Variants in MAPT observed in about 807,000 individuals in gnomAD.
The protein encoded by MAPT is microtubule associated protein tau.
A neutral mutation model predicts 67.9 loss-of-function variants in MAPT; 34 were observed. The observed-to-expected ratio is 0.50, with a 90% CI of 0.38 to 0.67. The LOEUF is 0.67. Among genes scored for constraint, MAPT ranks in the 30% least tolerant of loss-of-function variants. The pLI is 0.00. For missense variants in MAPT, 881 were observed against 1,115.2 expected (o/e 0.79, Z 2.99); for synonymous variants, 456 against 464.5 (o/e 0.98, Z 0.23).
Position 46,024,208 on chromosome 17 carries a change from GA to G in MAPT, c.*38del. The stretch of plus-strand genomic sequence containing the variant: ...GGGCGGTCAATAATTGTGGAGAGGA[GA>G]GAATGAGAGAGTGTGGAAAAAAAAA... On this transcript the variant is annotated 3_prime_UTR_variant, in exon 13 of 13. Coordinates refer to ENST00000262410, the MANE Select transcript of MAPT (RefSeq NM_001377265.1). 6.4e-7 allele frequency: 1 copy of G among 1,556,958 alleles called. No individual in the cohort carries two copies. The highest frequency in any genetic ancestry group is 8.9e-7 in the Non-Finnish European group (1 of 1,128,940).
chr17:45,920,627 G>T (rs1234695462), intron 1 of MAPT, among the ~76,000 whole-genome samples: 3 of 152,222 alleles, frequency 2.0e-5, no homozygotes, highest in Non-Finnish European at 4.4e-5. Context: ...GCCTTCTGCG[G>T]ATGCCAGACT....
At chr17:45,984,711 G>C (rs2073367453) in intron 5 of MAPT, among the ~76,000 whole-genome samples, 1 of 152,210 alleles carries the variant, frequency 6.6e-6, no homozygotes, top group Non-Finnish European at 1.5e-5. Flanking sequence ...GGCATTGGAG[G>C]GGGTTGAGCA....
Position 45,946,580 on chromosome 17 carries a change from C to T in MAPT, c.-17-15741C>T, listed in dbSNP as rs138420606. Among the ~76,000 whole-genome samples, 439 of 115,608 alleles carry T rather than the reference C, an allele frequency of 3.8e-3. 1 individual carries two copies. Among genetic ancestry groups the T allele is most frequent in the African/African-American group, 0.013 (414 of 32,010 alleles). 75.8% of individuals were successfully genotyped at this position (115,608 alleles called of 152,430 possible). A position where few individuals can be genotyped will look rare whatever the true frequency, so the allele number is the denominator to read the frequency against. On this transcript the variant is annotated intron_variant, in intron 1 of 12. Coordinates refer to ENST00000262410, the MANE Select transcript of MAPT (RefSeq NM_001377265.1). ...CACCACCACACTCCAGCCTGGGCGA[C>T]CGAGGGGGACTCTGTCTTAAAAAAA...
At chr17:45,997,006 G>A (rs553697048) in intron 9 of MAPT, among the ~76,000 whole-genome samples, 3 of 152,344 alleles carry the variant, frequency 2.0e-5, no homozygotes, top group African/African-American at 7.2e-5. Flanking sequence ...GGCTCTCATA[G>A]TCAGGGCACC....
At chr17:45,959,544 A>T (rs906693663) in intron 1 of MAPT, among the ~76,000 whole-genome samples, 2 of 152,144 alleles carry the variant, frequency 1.3e-5, no homozygotes, top group African/African-American at 4.8e-5. Flanking sequence ...ATGGTGGCTC[A>T]TGCCTGTAAT....
At chr17:45,938,810 ATTT>A (rs368157488) in intron 1 of MAPT, among the ~76,000 whole-genome samples, 5 of 118,078 alleles carry the variant, frequency 4.2e-5, no homozygotes, top group Non-Finnish European at 6.8e-5. Context: ...TGCCCAGCTA[ATTT>A]TTTTTTTTTT....
intron 1 of MAPT, among the ~76,000 whole-genome samples, chr17:45,907,493 T>G (rs1176274015): frequency 2.0e-5 from 3 of 152,198 alleles, no homozygotes; most frequent in Admixed American, 6.5e-5. Flanking sequence ...GTGACTTTCC[T>G]TCTCCAGTCA....
chr17:45,898,478 C>T (rs1313442182), intron 1 of MAPT: 2 of 152,194 alleles, frequency 1.3e-5, no homozygotes, highest in East Asian at 1.9e-4. Context: ...CCTTGGAGGT[C>T]GGTGCCAGCC....
chr17:46,024,612 A>T lies in MAPT; in HGVS notation c.*441A>T, dbSNP rs954084435. On this transcript the variant is annotated 3_prime_UTR_variant, in exon 13 of 13. Transcript: ENST00000262410. Reference sequence around the variant, plus strand: ...GTCACAGAGGCAGTGGCAGCAACAAAGGATTTGAAACTTGGTGTGTTCGTG... The same window carrying T: ...GTCACAGAGGCAGTGGCAGCAACAATGGATTTGAAACTTGGTGTGTTCGTG... 4.0e-6 allele frequency: 1 copy of T among 252,556 alleles called. No homozygotes were observed. Among genetic ancestry groups the T allele is most frequent in the African/African-American group, 2.4e-5 (1 of 41,750 alleles). 15.6% of individuals were successfully genotyped at this position (252,556 alleles called of 1,614,324 possible). A position where few individuals can be genotyped will look rare whatever the true frequency, so the allele number is the denominator to read the frequency against.
chr17:46,004,759 G>GA (rs949908116), intron 9 of MAPT, among the ~76,000 whole-genome samples: 9 of 152,060 alleles, frequency 5.9e-5, no homozygotes, highest in African/African-American at 2.2e-4. Context: ...AAGCCACATG[G>GA]AAAAAAAATT....
intron 2 of MAPT, among the ~76,000 whole-genome samples, chr17:45,962,932 A>AT: frequency 6.6e-6 from 1 of 152,046 alleles, no homozygotes; most frequent in Admixed American, 6.6e-5. Flanking sequence ...CAAAAAAAAA[A>AT]GAAAAGAAAA....
chr17:45,949,522 C>A (rs2068850172), intron 1 of MAPT, among the ~76,000 whole-genome samples: 1 of 152,166 alleles, frequency 6.6e-6, no homozygotes, highest in Admixed American at 6.5e-5. Flanking sequence ...TATCAGAATT[C>A]AAGCCTTGCT....
At chr17:45,950,922 G>A (rs561469407) in intron 1 of MAPT, among the ~76,000 whole-genome samples, 2 of 152,242 alleles carry the variant, frequency 1.3e-5, no homozygotes, top group Non-Finnish European at 2.9e-5. Context: ...CTGAGCCTCC[G>A]GAAGTGCTGG....
intron 1 of MAPT, among the ~76,000 whole-genome samples, chr17:45,899,679 C>T (rs893711848): frequency 7.2e-5 from 11 of 152,166 alleles, no homozygotes; most frequent in Non-Finnish European, 1.3e-4. Flanking sequence ...ACCACTGTCT[C>T]ACAAATGAAT....
At chr17:45,933,346 G>A (rs1316695336) in intron 1 of MAPT, among the ~76,000 whole-genome samples, 2 of 150,108 alleles carry the variant, frequency 1.3e-5, no homozygotes, top group Non-Finnish European at 3.0e-5. Flanking sequence ...CTCAGTTCAA[G>A]TGATTCTCGT....
intron 12 of MAPT, among the ~76,000 whole-genome samples, chr17:46,019,632 G>A (rs536567009): frequency 1.3e-5 from 2 of 151,634 alleles, no homozygotes; most frequent in Non-Finnish European, 2.9e-5. Flanking sequence ...GCCTCCCAAG[G>A]TGCTGGGATT....
chr17:45,917,768 G>A (rs571529460), intron 1 of MAPT, among the ~76,000 whole-genome samples: 24 of 147,156 alleles, frequency 1.6e-4, no homozygotes, highest in South Asian at 1.1e-3. Context: ...GGATTCCAGC[G>A]TCTTTTTTTT....
chr17:46,002,780 A>G (rs1379613248), intron 9 of MAPT, among the ~76,000 whole-genome samples: 1 of 151,912 alleles, frequency 6.6e-6, no homozygotes, highest in Non-Finnish European at 1.5e-5. Flanking sequence ...CCCTGTGTGT[A>G]TTGATTTGTT....
intron 1 of MAPT, among the ~76,000 whole-genome samples, chr17:45,924,255 A>G (rs17649918): frequency 0.14 from 21,776 of 152,080 alleles, 2,134 homozygotes; most frequent in Middle Eastern, 0.22. Context: ...CCCAGCAGGT[A>G]TTCAGAATCT....
Sources: gnomAD v4.1 joint callset for allele counts (sites outside exome capture counted in the v4.1 genomes callset) on GRCh38, gnomAD v4.1.1 for gene constraint, MANE v1.5 for transcripts, NCBI Gene and HGNC (gene_info 2026-07-23, HGNC 2026-07-21) for gene names.